Variants in GON4L observed in about 807,000 individuals in gnomAD.
The protein encoded by GON4L is GON-4-like protein.
Under a neutral mutation model 211.8 loss-of-function variants are expected in GON4L, and 87 were observed. The ratio of observed to expected loss-of-function variants is 0.41; its 90% CI spans 0.35 to 0.49. The LOEUF is 0.49. GON4L is among the 20% of genes least tolerant of loss of function. The pLI, the probability that GON4L is intolerant of heterozygous loss-of-function variation, is 0.15. For missense variants in GON4L, 2,155 were observed against 2,659.5 expected, an observed-to-expected ratio of 0.81 and a Z score of 4.17; for synonymous variants, 875 against 962.6, an observed-to-expected ratio of 0.91 and a Z score of 1.68.
intron 1 of GON4L, among the ~76,000 whole-genome samples, chr1:155,854,323 T>A (rs111937163): frequency 1.3e-4 from 20 of 152,098 alleles, no homozygotes; most frequent in African/African-American, 4.8e-4. Context: ...CTGGCTAATT[T>A]TTTTTGTATT....
In GON4L at chr1:155,751,985, C is replaced by T. The variant is rs772860525; in HGVS notation, c.6448G>A (p.Gly2150Arg). The T allele has an allele frequency of 6.2e-7, 1 of 1,612,414 alleles. No individual in the cohort carries two copies. The highest frequency in any genetic ancestry group is 1.1e-5 in the South Asian group (1 of 91,028). Reference sequence around the variant, plus strand: ...CTTGTCCACAGGACAACCTTTTCCCCAGTGGAGCTGACCTTGCTGTTGTTG... The same window carrying T: ...CTTGTCCACAGGACAACCTTTTCCCTAGTGGAGCTGACCTTGCTGTTGTTG... ...CANNSKVSST[G>R]EKVVLWTREA... Residue 2150 changes from glycine to arginine, a missense_variant, in exon 30 of 32, where the codon GGG becomes AGG. Physicochemically the swap from Gly to Arg is moderately radical, Grantham distance 125 (BLOSUM62 -2). Coordinates refer to ENST00000368331, the MANE Select transcript of GON4L (RefSeq NM_001282860.2).
chr1:155,838,983 G>A (rs535397468), intron 2 of GON4L, among the ~76,000 whole-genome samples: 67 of 151,984 alleles, frequency 4.4e-4, no homozygotes, highest in African/African-American at 1.6e-3. Context: ...CTGTGGAATG[G>A]TTCTCATCTA....
intron 19 of GON4L, among the ~76,000 whole-genome samples, chr1:155,767,854 C>T (rs973181581): frequency 2.0e-5 from 3 of 152,156 alleles, no homozygotes; most frequent in Non-Finnish European, 4.4e-5. Context: ...AGCAGATGCT[C>T]AGAGCAATCT....
intron 22 of GON4L, 21 bp downstream of exon 22, chr1:155,763,291 G>C (rs1249186314): frequency 2.5e-6 from 4 of 1,611,810 alleles, no homozygotes; most frequent in Admixed American, 1.7e-5. Context: ...TGGTCCTTCA[G>C]TATAGGTTTG....
intron 1 of GON4L, among the ~76,000 whole-genome samples, chr1:155,856,403 C>CTT (rs111851717): frequency 0.048 from 6,927 of 143,226 alleles, 195 homozygotes; most frequent in African/African-American, 0.054. Flanking sequence ...GACTTTTTTT[C>CTT]TTTTTTTTTT....
intron 11 of GON4L, among the ~76,000 whole-genome samples, chr1:155,797,240 G>A (rs938125912): frequency 3.3e-5 from 5 of 151,772 alleles, no homozygotes; most frequent in South Asian, 4.2e-4. Context: ...TCAGCATCCC[G>A]AGTAGCTGGG....
At chr1:155,746,912 A>G (rs1408966186), downstream of GON4L, 1 of 1,597,432 alleles carries the variant, frequency 6.3e-7, no homozygotes, top group South Asian at 1.1e-5. Context: ...CGGTGCCACA[A>G]CCTGAGGGTC....
intron 2 of GON4L, among the ~76,000 whole-genome samples, chr1:155,837,003 C>T (rs746168361): frequency 5.3e-5 from 8 of 152,152 alleles, no homozygotes; most frequent in Non-Finnish European, 1.2e-4. Flanking sequence ...CTGTTGGCCA[C>T]CCCCAGGTTT....
chr1:155,789,763 A>T (rs1665334381), intron 12 of GON4L, among the ~76,000 whole-genome samples: 1 of 152,014 alleles, frequency 6.6e-6, no homozygotes, highest in East Asian at 1.9e-4. Flanking sequence ...TCCAGGAGCC[A>T]ATCTCCTGGA....
At chr1:155,845,663 C>A in intron 2 of GON4L, 1 of 319,236 alleles carries the variant, frequency 3.1e-6, no homozygotes, top group Non-Finnish European at 6.3e-6. Flanking sequence ...CCACATAGGC[C>A]CTAAACTACA....
chr1:155,829,595 G>A (rs1316129124), intron 2 of GON4L, among the ~76,000 whole-genome samples: 4 of 152,242 alleles, frequency 2.6e-5, no homozygotes, highest in South Asian at 2.1e-4. Context: ...CAGCCTGGGC[G>A]ACAGAGCGAG....
chr1:155,823,349 G>A (rs1668900303), intron 3 of GON4L, among the ~76,000 whole-genome samples: 1 of 152,076 alleles, frequency 6.6e-6, no homozygotes, highest in Non-Finnish European at 1.5e-5. Flanking sequence ...ATAGAGATAG[G>A]AAAAAGCATT....
chr1:155,849,543 CA>C (rs916595257), intron 2 of GON4L, among the ~76,000 whole-genome samples: 1,139 of 47,036 alleles, frequency 0.024, 3 homozygotes, highest in African/African-American at 0.035. Flanking sequence ...GACTCTGTCT[CA>C]AAAAAAAAAA....
At chr1:155,818,364 G>A (rs1367834563) in intron 6 of GON4L, among the ~76,000 whole-genome samples, 1 of 151,906 alleles carries the variant, frequency 6.6e-6, no homozygotes, top group Non-Finnish European at 1.5e-5. Flanking sequence ...CAGCTGCCTC[G>A]GCCTCCCAAA....
At chr1:155,752,845 T>TG (rs1239209901) in intron 29 of GON4L, among the ~76,000 whole-genome samples, 2 of 151,628 alleles carry the variant, frequency 1.3e-5, no homozygotes, top group African/African-American at 2.4e-5. Context: ...TGGGTGGAGG[T>TG]GGGGGGCATA....
intron 13 of GON4L, 75 bp downstream of exon 13, chr1:155,785,259 A>T: frequency 1.1e-6 from 1 of 946,270 alleles, no homozygotes; most frequent in Non-Finnish European, 1.8e-6. Flanking sequence ...AGGGAGCATC[A>T]CAGAGACCAA....
At chr1:155,779,256 A>AC (rs1280011890) in intron 14 of GON4L, among the ~76,000 whole-genome samples, 1 of 29,658 alleles carries the variant, frequency 3.4e-5, no homozygotes, top group East Asian at 2.6e-3. Flanking sequence ...TCTGTCTCAA[A>AC]AAAAAAAAAA....
In GON4L at chr1:155,766,334, T is replaced by C; in HGVS notation, c.3139A>G (p.Thr1047Ala). 1.2e-6 allele frequency: 2 copies of C among 1,614,072 alleles called. No homozygotes were observed. Among genetic ancestry groups the C allele is most frequent in the South Asian group, 2.2e-5 (2 of 91,070 alleles). ...ACACCTGGAACTGTCTGTAAAACAG[T>C]GGCTGGCTGTATTGGGTGAGGAATC... Reference protein sequence around the residue: ...LRIPHPIQPATVLQTVPGVPP... With the variant: ...LRIPHPIQPAAVLQTVPGVPP... Residue 1047 changes from threonine (T) to alanine (A), a missense_variant, in exon 21 of 32, where the codon ACT becomes GCT. Thr to Ala is a moderately conservative substitution (Grantham distance 58, BLOSUM62 0). Coordinates refer to ENST00000368331, the MANE Select transcript of GON4L (RefSeq NM_001282860.2).
At chr1:155,814,639 G>C (rs1212011368) in intron 8 of GON4L, among the ~76,000 whole-genome samples, 190 bp from the exon 9 acceptor site, 1 of 151,684 alleles carries the variant, frequency 6.6e-6, no homozygotes, top group East Asian at 1.9e-4. Flanking sequence ...CCAGCTACTC[G>C]GGAGGCTGAG....
Sources: gnomAD v4.1 joint callset for allele counts (sites outside exome capture counted in the v4.1 genomes callset) on GRCh38, gnomAD v4.1.1 for gene constraint, MANE v1.5 for transcripts, NCBI Gene and HGNC (gene_info 2026-07-23, HGNC 2026-07-21) for gene names.